The following MOCOS variants were observed in gnomAD, a reference collection of about 807,000 sequenced individuals.
MOCOS encodes molybdenum cofactor sulfurase.
A neutral mutation model predicts 83.6 loss-of-function variants in MOCOS; 86 were observed. The ratio of observed to expected loss-of-function variants is 1.03; its 90% CI spans 0.86 to 1.23. The LOEUF (loss-of-function observed/expected upper bound fraction) is 1.23, where lower values mean the gene tolerates loss of function less well. Ranked by LOEUF, MOCOS falls within the 50% of genes most tolerant of loss-of-function variation. The probability of loss-of-function intolerance (pLI) is 0.00; values close to 1 mark genes in which losing one functional copy is unlikely to be tolerated. For synonymous variants in MOCOS, 445 were observed against 434.7 expected, an observed-to-expected ratio of 1.02 and a Z score of -0.29; for missense variants, 1,120 against 1,126.9, an observed-to-expected ratio of 0.99 and a Z score of 0.09.
intron 12 of MOCOS, 98 bp downstream of exon 12, chr18:36,257,171 T>A (rs1280934520): frequency 9.3e-7 from 1 of 1,072,342 alleles, no homozygotes; most frequent in East Asian, 2.4e-5. Context: ...CTGAGAGTCA[T>A]GAAGTTCAGC....
At chr18:36,216,006 T>A (rs751493196) in intron 8 of MOCOS, 29 bp downstream of exon 8, 34 of 1,587,566 alleles carry the variant, frequency 2.1e-5, no homozygotes, top group East Asian at 8.9e-5. Context: ...GCACAGAAAG[T>A]CTTCTCTTTG....
intron 13 of MOCOS, among the ~76,000 whole-genome samples, chr18:36,264,506 A>G (rs948730013): frequency 1.3e-5 from 2 of 152,174 alleles, no homozygotes; most frequent in African/African-American, 4.8e-5. Flanking sequence ...CTCGTGTATA[A>G]TAGTGATAGT....
In MOCOS at chr18:36,215,554, T is replaced by C. The variant is rs1467122779; in HGVS notation, c.1374T>C (p.Asp458=). ...GTGGGGACAATATGGACCTCATAGATGGGCAGCCCACAGGATCTGTGAGGA... is the reference window on the plus strand; with the variant it reads ...GTGGGGACAATATGGACCTCATAGACGGGCAGCCCACAGGATCTGTGAGGA... ...HVCGDNMDLI[D]GQPTGSVRIS... is the part of the protein sequence containing the mutation. Residue 458 remains aspartate (D), a synonymous_variant, in exon 8 of 15, where the codon GAT becomes GAC. Coordinates refer to ENST00000261326, the MANE Select transcript of MOCOS (RefSeq NM_017947.4). 1.2e-6 allele frequency: 2 copies of C among 1,614,050 alleles called. No individual in the cohort carries two copies. The highest frequency in any genetic ancestry group is 1.1e-5 in the South Asian group (1 of 91,070).
intron 13 of MOCOS, among the ~76,000 whole-genome samples, chr18:36,262,311 A>T (rs1178982090): frequency 7.6e-6 from 1 of 131,076 alleles, no homozygotes; most frequent in African/African-American, 2.8e-5. Context: ...GTGCGCCTGT[A>T]GTCTCAGCTC....
chr18:36,256,886 A>C, intron 11 of MOCOS, 82 bp from the exon 12 acceptor site: 1 of 1,234,326 alleles, frequency 8.1e-7, no homozygotes, highest in Admixed American at 1.7e-5. Context: ...TCTACCTTTT[A>C]AAAAAATACA....
chr18:36,241,577 G>A (rs1218344379), intron 9 of MOCOS, among the ~76,000 whole-genome samples: 1 of 152,182 alleles, frequency 6.6e-6, no homozygotes, highest in African/African-American at 2.4e-5. Context: ...TCATTCTGGG[G>A]TCTGGAGGAC....
At chr18:36,219,119 A>G (rs1011576668) in intron 8 of MOCOS, among the ~76,000 whole-genome samples, 1 of 149,844 alleles carries the variant, frequency 6.7e-6, no homozygotes, top group Non-Finnish European at 1.5e-5. Context: ...TGCCCGCCTC[A>G]GTCTCCCAAA....
At chr18:36,213,099 G>A (rs1173034577) in intron 6 of MOCOS, among the ~76,000 whole-genome samples, 1 of 152,218 alleles carries the variant, frequency 6.6e-6, no homozygotes, top group Non-Finnish European at 1.5e-5. Context: ...CAGGCTGCGA[G>A]CTGAGGCGGG....
rs4799415 is a variant in MOCOS, at chr18:36,248,702, C to G, written c.1961-220C>G. On this transcript the variant is annotated intron_variant, in intron 9 of 14. Transcript: ENST00000261326. ...GCATCATTTATTGAAGAGAACTCTT[C>G]TTGCTCCAATGTTTGTTCTTGACAC... Among the ~76,000 whole-genome samples, 18,108 of 152,138 alleles carry G rather than the reference C, an allele frequency of 0.12. 1,148 individuals are homozygous for G. Among genetic ancestry groups the G allele is most frequent in the Non-Finnish European group, 0.13 (9,004 of 68,014 alleles).
chr18:36,243,861 A>T (rs919170609), intron 9 of MOCOS, among the ~76,000 whole-genome samples: 1 of 152,142 alleles, frequency 6.6e-6, no homozygotes, highest in Non-Finnish European at 1.5e-5. Context: ...GTATATTTCC[A>T]GGAATTTATC....
At chr18:36,228,539 A>G (rs1292699508) in intron 9 of MOCOS, among the ~76,000 whole-genome samples, 2 of 152,216 alleles carry the variant, frequency 1.3e-5, no homozygotes, top group Non-Finnish European at 2.9e-5. Context: ...AGGGACATAG[A>G]TGAAGCTGGA....
chr18:36,218,799 C>T (rs1391789917), intron 8 of MOCOS, among the ~76,000 whole-genome samples: 1 of 151,688 alleles, frequency 6.6e-6, no homozygotes, highest in East Asian at 1.9e-4. Context: ...GCGTTACAGA[C>T]ATAAGCCACT....
chr18:36,256,874 T>C (rs2091643477), intron 11 of MOCOS, 94 bp from the exon 12 acceptor site: 2 of 1,102,112 alleles, frequency 1.8e-6, no homozygotes, highest in African/African-American at 1.5e-5. Flanking sequence ...GTAGAAATAG[T>C]CTCTACCTTT....
At chr18:36,261,363 A>C (rs995981285) in intron 13 of MOCOS, among the ~76,000 whole-genome samples, 1 of 142,206 alleles carries the variant, frequency 7.0e-6, no homozygotes, top group Non-Finnish European at 1.6e-5. Context: ...TATATAATGT[A>C]AATATTCCAA....
rs570382599 is a variant in MOCOS, at chr18:36,271,557, C to A, written c.*2872C>A. On this transcript the variant is annotated 3_prime_UTR_variant, in exon 15 of 15. Transcript: ENST00000261326. ...CTGGAGTTCAGCCTTATGTGCTTCT[C>A]AAAGTGTATAACAAAATCAAAGACA... is the stretch of plus-strand genomic sequence containing the variant. The A allele has an allele frequency of 6.6e-6, 1 of 152,180 alleles. No individual in the cohort carries two copies. Among genetic ancestry groups the A allele is most frequent in the Admixed American group, 6.5e-5 (1 of 15,300 alleles). The allele number at this position is 152,180 out of a possible 1,614,324, so 9.4% of individuals were successfully genotyped here.
At chr18:36,231,534 A>G (rs1433549129) in intron 9 of MOCOS, among the ~76,000 whole-genome samples, 2 of 152,098 alleles carry the variant, frequency 1.3e-5, no homozygotes, top group African/African-American at 2.4e-5. Context: ...ACTGTGACAT[A>G]GTAAGTTTTT....
chr18:36,250,091 C>T (rs2091616290), intron 10 of MOCOS, among the ~76,000 whole-genome samples: 1 of 152,144 alleles, frequency 6.6e-6, no homozygotes, highest in Admixed American at 6.5e-5. Flanking sequence ...AGCAAATTTT[C>T]CAATCTTGGG....
Position 36,200,028 on chromosome 18 carries a change from G to A in MOCOS, c.645G>A (p.Trp215Ter). ...NFSGVRYPLS[W>*]IEEVKSGRLH... The stretch of plus-strand genomic sequence containing the variant: ...CTGGAGTCAGATACCCCCTGTCCTG[G>A]ATAGAAGAGGTCAAGTCTGGGCGGT... Residue 215 changes from tryptophan to a stop codon, truncating the protein, a stop_gained, in exon 4 of 15, where the codon TGG becomes TGA. Transcript: ENST00000261326. LOFTEE classifies it high-confidence loss of function. 1 of 1,614,224 alleles carries A rather than the reference G, an allele frequency of 6.2e-7. No homozygotes were observed. The highest frequency in any genetic ancestry group is 8.5e-7 in the Non-Finnish European group (1 of 1,180,044).
intron 5 of MOCOS, among the ~76,000 whole-genome samples, chr18:36,204,254 C>T (rs568588948): frequency 1.3e-5 from 2 of 152,148 alleles, no homozygotes; most frequent in African/African-American, 2.4e-5. Flanking sequence ...CCCTTCCAAC[C>T]CTTGGAACTA....
Sources: gnomAD v4.1 joint callset for allele counts (sites outside exome capture counted in the v4.1 genomes callset) on GRCh38, gnomAD v4.1.1 for gene constraint, MANE v1.5 for transcripts, NCBI Gene and HGNC (gene_info 2026-07-23, HGNC 2026-07-21) for gene names.